The following CNTNAP4 variants were observed in gnomAD, a reference collection of about 807,000 sequenced individuals.
The protein encoded by CNTNAP4 is contactin associated protein family member 4, also known as contactin-associated protein-like 4.
CNTNAP4 carries 98 observed loss-of-function variants against 148.4 expected under a neutral mutation model. The ratio of observed to expected loss-of-function variants is 0.66; its 90% CI spans 0.56 to 0.78. CNTNAP4 has a LOEUF of 0.78. Ranked by LOEUF, CNTNAP4 falls within the 30% of genes least tolerant of loss-of-function variation. The probability of loss-of-function intolerance (pLI) is 0.00; values close to 1 mark genes in which losing one functional copy is unlikely to be tolerated. For synonymous variants in CNTNAP4, 730 were observed against 565.1 expected (o/e 1.29, Z -4.14); for missense variants, 1,935 against 1,565.6 (o/e 1.24, Z -3.98).
chr16:76,381,784 G>C (rs918057877), intron 3 of CNTNAP4, among the ~76,000 whole-genome samples: 3 of 152,128 alleles, frequency 2.0e-5, no homozygotes, highest in African/African-American at 7.2e-5. Flanking sequence ...TTACCTGCCG[G>C]GTGCGGTGGC....
intron 17 of CNTNAP4, among the ~76,000 whole-genome samples, chr16:76,522,873 C>T (rs1004405601): frequency 2.6e-5 from 4 of 151,632 alleles, no homozygotes; most frequent in Non-Finnish European, 5.9e-5. Context: ...AGCAATTCTC[C>T]TACCTCAGCC....
At position 76,424,113 on chromosome 16, in the gene CNTNAP4, G is replaced by A. The variant is rs551814425; in HGVS notation, c.391-3339G>A. Reference sequence around the variant, plus strand: ...ACTGTATCTTATATTTATTCTTAACGTTTTCAAAATTTAAATAGCTCATAA... The same window carrying A: ...ACTGTATCTTATATTTATTCTTAACATTTTCAAAATTTAAATAGCTCATAA... On this transcript the variant is annotated intron_variant, in intron 3 of 23. Coordinates refer to ENST00000611870, the MANE Select transcript of CNTNAP4 (RefSeq NM_033401.5). Among the ~76,000 whole-genome samples, 13 of 152,032 alleles carry A rather than the reference G, an allele frequency of 8.6e-5. 1 individual carries two copies. The South Asian group carries it at 2.7e-3, about 32-fold the overall frequency.
intron 16 of CNTNAP4, among the ~76,000 whole-genome samples, chr16:76,521,692 T>C (rs1032453293): frequency 6.6e-6 from 1 of 152,226 alleles, no homozygotes; most frequent in African/African-American, 2.4e-5. Flanking sequence ...AACTTTGAGT[T>C]ACTGTAACAG....
At chr16:76,459,700 G>T (rs2080866262) in intron 8 of CNTNAP4, among the ~76,000 whole-genome samples, 1 of 152,166 alleles carries the variant, frequency 6.6e-6, no homozygotes, top group African/African-American at 2.4e-5. Flanking sequence ...AGGCTGTTTG[G>T]TTTTGATAGA....
At chr16:76,438,395 T>G (rs944511716) in intron 4 of CNTNAP4, among the ~76,000 whole-genome samples, 9 of 152,160 alleles carry the variant, frequency 5.9e-5, no homozygotes, top group Non-Finnish European at 1.2e-4. Context: ...TTAGAGGAAT[T>G]TGTTAAACAC....
intron 3 of CNTNAP4, among the ~76,000 whole-genome samples, chr16:76,371,244 G>C (rs965957892): frequency 3.9e-5 from 6 of 152,102 alleles, no homozygotes; most frequent in Non-Finnish European, 7.4e-5. Flanking sequence ...AGGAGGACCA[G>C]GGTATATATG....
intron 3 of CNTNAP4, among the ~76,000 whole-genome samples, chr16:76,366,137 T>G (rs2014094518): frequency 6.6e-6 from 1 of 152,170 alleles, no homozygotes; most frequent in Non-Finnish European, 1.5e-5. Context: ...TATAAAAAAT[T>G]TGCTGAAATT....
chr16:76,477,450 C>G (rs1359202955), intron 11 of CNTNAP4, among the ~76,000 whole-genome samples: 1 of 152,176 alleles, frequency 6.6e-6, no homozygotes, highest in Non-Finnish European at 1.5e-5. Context: ...GTCTATTACA[C>G]TATACACTGC....
chr16:76,489,543 G>A, intron 12 of CNTNAP4, 143 bp from the exon 13 acceptor site: 2 of 432,384 alleles, frequency 4.6e-6, no homozygotes, highest in East Asian at 3.4e-5. Context: ...GAATCCATTT[G>A]TGTTGATTCT....
intron 2 of CNTNAP4, among the ~76,000 whole-genome samples, chr16:76,317,723 GTGTA>G (rs1212856578): frequency 6.6e-6 from 1 of 152,056 alleles, no homozygotes; most frequent in Non-Finnish European, 1.5e-5. Context: ...GTGTGTGTGT[GTGTA>G]TGTGTGTGTG....
chr16:76,509,868 A>AT (rs1208099296), intron 15 of CNTNAP4, among the ~76,000 whole-genome samples: 1 of 94,722 alleles, frequency 1.1e-5, no homozygotes, highest in African/African-American at 2.6e-5. Flanking sequence ...TGAGGGTTGC[A>AT]TTTTTTTGAT....
At chr16:76,321,585 C>G (rs867553281) in intron 2 of CNTNAP4, among the ~76,000 whole-genome samples, 1 of 151,814 alleles carries the variant, frequency 6.6e-6, no homozygotes, top group South Asian at 2.1e-4. Context: ...GTCAGGAGAT[C>G]GAGACCATCC....
chr16:76,435,595 T>C (rs542475335), intron 4 of CNTNAP4, among the ~76,000 whole-genome samples: 4 of 152,262 alleles, frequency 2.6e-5, no homozygotes, highest in African/African-American at 7.2e-5. Flanking sequence ...AAATCTGTTT[T>C]GCAAGGTGTT....
intron 3 of CNTNAP4, among the ~76,000 whole-genome samples, chr16:76,360,188 T>A (rs1182795348): frequency 6.6e-6 from 1 of 152,214 alleles, no homozygotes; most frequent in Non-Finnish European, 1.5e-5. Context: ...GTGTCATGGT[T>A]CTGGGTTTGG....
chr16:76,352,315 C>T (rs534594524), intron 2 of CNTNAP4, among the ~76,000 whole-genome samples: 1 of 152,246 alleles, frequency 6.6e-6, no homozygotes, highest in African/African-American at 2.4e-5. Flanking sequence ...CATCCACACG[C>T]CATGTCCATC....
In CNTNAP4 at chr16:76,355,363, T is replaced by G; in HGVS notation, c.242T>G (p.Leu81Trp). The G allele has an allele frequency of 6.2e-7, 1 of 1,604,598 alleles. No individual in the cohort carries two copies. Residue 81 changes from leucine (L) to tryptophan (W), a missense_variant, in exon 3 of 24, where the codon TTG becomes TGG. Coordinates refer to ENST00000611870, the MANE Select transcript of CNTNAP4 (RefSeq NM_033401.5). ...SPLVSNKYQW[L>W]QIDLGERMEV... ...CTTGTGTCTAACAAATACCAGTGGT[T>G]GCAGATTGACCTTGGAGAGAGAATG...
At chr16:76,499,156 C>T (rs192412257) in intron 15 of CNTNAP4, among the ~76,000 whole-genome samples, 1 of 151,202 alleles carries the variant, frequency 6.6e-6, no homozygotes, top group African/African-American at 2.4e-5. Context: ...CAAGCTCTGC[C>T]TCCTGGATTC....
intron 2 of CNTNAP4, among the ~76,000 whole-genome samples, chr16:76,330,924 T>A (rs1963447769): frequency 6.6e-6 from 1 of 152,208 alleles, no homozygotes; most frequent in Non-Finnish European, 1.5e-5. Flanking sequence ...TTTAAAAGCA[T>A]CTAAATAGTG....
chr16:76,531,466 C>T (rs2083982532), intron 17 of CNTNAP4, among the ~76,000 whole-genome samples: 1 of 152,078 alleles, frequency 6.6e-6, no homozygotes, highest in Non-Finnish European at 1.5e-5. Flanking sequence ...TCAATAAACA[C>T]GGAAAGGTTG....
Sources: allele counts gnomAD v4.1 joint callset (sites outside exome capture counted in the v4.1 genomes callset), GRCh38; gene constraint gnomAD v4.1.1; transcripts MANE v1.5; gene names NCBI Gene and HGNC (gene_info 2026-07-23, HGNC 2026-07-21).